Variants in SGCZ observed in about 807,000 individuals in gnomAD.
SGCZ encodes sarcoglycan zeta, also known as zeta-sarcoglycan.
SGCZ carries 40 observed loss-of-function variants against 41.3 expected under a neutral mutation model. The ratio of observed to expected loss-of-function variants is 0.97; its 90% CI spans 0.75 to 1.26. The LOEUF (loss-of-function observed/expected upper bound fraction) is 1.26. Ranked by LOEUF, SGCZ falls within the 50% of genes most tolerant of loss-of-function variation. The pLI, the probability that SGCZ is intolerant of heterozygous loss-of-function variation, is 0.00. For synonymous variants in SGCZ, 206 were observed against 137.5 expected, an observed-to-expected ratio of 1.50 and a Z score of -3.49; for missense variants, 552 against 369.8, an observed-to-expected ratio of 1.49 and a Z score of -4.04.
intron 1 of SGCZ, among the ~76,000 whole-genome samples, chr8:14,836,796 G>A (rs373207302): frequency 8.5e-5 from 13 of 152,120 alleles, no homozygotes; most frequent in African/African-American, 2.9e-4. Flanking sequence ...GCCACATCCT[G>A]GGCCCATAAT....
At chr8:14,675,486 A>C (rs755415845) in intron 1 of SGCZ, among the ~76,000 whole-genome samples, 1 of 152,132 alleles carries the variant, frequency 6.6e-6, no homozygotes, top group Non-Finnish European at 1.5e-5. Context: ...TAAATGGCTT[A>C]TTTATTGACC....
intron 2 of SGCZ, among the ~76,000 whole-genome samples, chr8:14,501,591 T>C (rs1022163942): frequency 1.3e-5 from 2 of 149,000 alleles, no homozygotes; most frequent in African/African-American, 2.5e-5. Flanking sequence ...ATAGATGAAA[T>C]TCATGATTTA....
At chr8:14,563,836 C>T (rs1804278838) in intron 1 of SGCZ, among the ~76,000 whole-genome samples, 1 of 151,860 alleles carries the variant, frequency 6.6e-6, no homozygotes, top group Non-Finnish European at 1.5e-5. Context: ...AAGATAAAGT[C>T]AAAAACAGAA....
At chr8:14,947,277 C>G (rs980314106) in intron 1 of SGCZ, among the ~76,000 whole-genome samples, 1 of 152,164 alleles carries the variant, frequency 6.6e-6, no homozygotes, top group Non-Finnish European at 1.5e-5. Flanking sequence ...AGCAAACACA[C>G]AGTGAGGTAA....
chr8:14,522,819 A>G (rs545986528), intron 2 of SGCZ, among the ~76,000 whole-genome samples: 1 of 151,790 alleles, frequency 6.6e-6, no homozygotes, highest in Non-Finnish European at 1.5e-5. Flanking sequence ...AGCTGAAATT[A>G]TTCATATGGG....
chr8:14,235,798 C>T (rs536961385), intron 4 of SGCZ, among the ~76,000 whole-genome samples: 4 of 152,138 alleles, frequency 2.6e-5, no homozygotes, highest in Non-Finnish European at 5.9e-5. Context: ...GATTCTCCAG[C>T]CTCAGCCTCC....
intron 5 of SGCZ, among the ~76,000 whole-genome samples, chr8:14,120,897 C>G (rs184289993): frequency 9.2e-5 from 14 of 152,180 alleles, no homozygotes; most frequent in Admixed American, 2.0e-4. Flanking sequence ...ATCAGATCAT[C>G]AATGATAGTT....
At chr8:14,374,754 G>A (rs1380314092) in intron 2 of SGCZ, among the ~76,000 whole-genome samples, 1 of 152,100 alleles carries the variant, frequency 6.6e-6, no homozygotes, top group African/African-American at 2.4e-5. Context: ...GGAAACGAGA[G>A]AAGGATAAGG....
At chr8:15,213,047 G>A (rs1390642001) in intron 1 of SGCZ, among the ~76,000 whole-genome samples, 1 of 151,876 alleles carries the variant, frequency 6.6e-6, no homozygotes, top group African/African-American at 2.4e-5. Context: ...ATGCACAAAA[G>A]CATTTAATAC....
rs551419851 is a variant in SGCZ, at chr8:14,175,143, A to G, written c.425-10441T>C. On this transcript the variant is annotated intron_variant, in intron 4 of 7. Coordinates refer to ENST00000382080, the MANE Select transcript of SGCZ (RefSeq NM_139167.4). ...CTATAAAATGTGTCTTCAATGCCCT[A>G]GAAGAAAAAAATTTTTAAATGCCAA... is the stretch of plus-strand genomic sequence containing the variant. Among the ~76,000 whole-genome samples the G allele has an allele frequency of 1.4e-4, 22 of 152,264 alleles. No homozygotes were observed. The South Asian group carries it at 4.2e-3, about 29-fold the overall frequency.
chr8:14,758,109 C>T (rs1013752488), intron 1 of SGCZ, among the ~76,000 whole-genome samples: 3 of 152,108 alleles, frequency 2.0e-5, no homozygotes, highest in Admixed American at 2.0e-4. Flanking sequence ...TATATTTTTA[C>T]TTACACAGCT....
intron 1 of SGCZ, among the ~76,000 whole-genome samples, chr8:15,111,968 G>A (rs576915242): frequency 4.6e-5 from 7 of 151,598 alleles, no homozygotes; most frequent in South Asian, 2.1e-4. Flanking sequence ...TACTTGGTGC[G>A]TTTTGTTCAA....
chr8:15,031,191 G>A (rs998964104), intron 1 of SGCZ, among the ~76,000 whole-genome samples: 11 of 152,168 alleles, frequency 7.2e-5, no homozygotes, highest in African/African-American at 2.6e-4. Context: ...AGTGCATAAT[G>A]TTATTAATTT....
rs547736037 is a variant in SGCZ, at chr8:14,319,010, A to G, written c.336+5093T>C. Among the ~76,000 whole-genome samples, 288 of 152,040 alleles carry G rather than the reference A, an allele frequency of 1.9e-3. 1 individual carries two copies. Among genetic ancestry groups the G allele is most frequent in the African/African-American group, 6.8e-3 (283 of 41,536 alleles). The stretch of plus-strand genomic sequence containing the variant: ...AAAAAAAATAAATGAATGGAATCGT[A>G]GAAAAACTCTAGATGACAGTCACTT... On this transcript the variant is annotated intron_variant, in intron 3 of 7. Coordinates refer to ENST00000382080, the MANE Select transcript of SGCZ (RefSeq NM_139167.4).
rs548095633 is a variant in SGCZ at position 14,868,125 on chromosome 8, A to C, written c.40-313199T>G. Among the ~76,000 whole-genome samples the C allele has an allele frequency of 9.9e-5, 15 of 152,236 alleles. No individual in the cohort carries two copies. The East Asian group carries it at 2.9e-3, about 29-fold the overall frequency. ...AGCCTCTGCGTTCGCTGTTCTCATG[A>C]CCTGGAAATCAGACATTCATTGAAT... On this transcript the variant is annotated intron_variant, in intron 1 of 7. Coordinates refer to ENST00000382080, the MANE Select transcript of SGCZ (RefSeq NM_139167.4).
At chr8:15,006,409 G>A (rs2061978) in intron 1 of SGCZ, among the ~76,000 whole-genome samples, 1 of 152,072 alleles carries the variant, frequency 6.6e-6, no homozygotes, top group African/African-American at 2.4e-5. Context: ...ATTTAGAAAA[G>A]GATTTAAATA....
chr8:14,432,067 T>C (rs1799957947), intron 2 of SGCZ, among the ~76,000 whole-genome samples: 1 of 152,172 alleles, frequency 6.6e-6, no homozygotes, highest in Non-Finnish European at 1.5e-5. Flanking sequence ...AGGGAACACT[T>C]CTACCCTGCT....
intron 2 of SGCZ, among the ~76,000 whole-genome samples, chr8:14,365,746 T>C (rs1406322242): frequency 6.6e-6 from 1 of 152,136 alleles, no homozygotes; most frequent in African/African-American, 2.4e-5. Flanking sequence ...GTTCCACTTA[T>C]TTTGTCCATT....
At chr8:14,617,551 C>A (rs1449084361) in intron 1 of SGCZ, among the ~76,000 whole-genome samples, 8 of 152,048 alleles carry the variant, frequency 5.3e-5, no homozygotes, top group Admixed American at 5.2e-4. Context: ...TTGGCAAAAA[C>A]CCAGGGCTTC....
Sources: gnomAD v4.1 joint callset for allele counts (sites outside exome capture counted in the v4.1 genomes callset) on GRCh38, gnomAD v4.1.1 for gene constraint, MANE v1.5 for transcripts, NCBI Gene and HGNC (gene_info 2026-07-23, HGNC 2026-07-21) for gene names.